Variants in ATG2B observed in about 807,000 individuals in gnomAD.
The protein encoded by ATG2B is autophagy related 2B.
ATG2B carries 121 observed loss-of-function variants against 241.3 expected under a neutral mutation model. The ratio of observed to expected loss-of-function variants is 0.50; its 90% CI spans 0.43 to 0.58. The LOEUF is 0.58. Among genes scored for constraint, ATG2B ranks in the 20% least tolerant of loss-of-function variants. ATG2B has a pLI of 0.00. For missense variants in ATG2B, 2,306 were observed against 2,491.6 expected (o/e 0.93, Z 1.59); for synonymous variants, 858 against 876.6 (o/e 0.98, Z 0.37).
At chr14:96,317,661 A>G (rs1887350780) in intron 19 of ATG2B, 37 bp downstream of exon 19, 2 of 1,483,070 alleles carry the variant, frequency 1.3e-6, no homozygotes, top group African/African-American at 1.4e-5. Flanking sequence ...TTGATAAACT[A>G]GGCATTTTAA....
At position 96,286,981 on chromosome 14, in the gene ATG2B, C is replaced by T. The variant is rs185573800; in HGVS notation, c.6007-996G>A. 2.9e-3 allele frequency among the ~76,000 whole-genome samples: 447 copies of T among 152,110 alleles called. 3 individuals are homozygous for T. The highest frequency in any genetic ancestry group is 9.7e-3 in the African/African-American group (402 of 41,494). ...TAAAAAAGATGTCCAGAAGGCCGGG[C>T]GCGGTGGCTCACACCTGTAATCTCA... On this transcript the variant is annotated intron_variant, in intron 41 of 41. Transcript: ENST00000359933.
At chr14:96,357,237 A>T (rs1428099131) in intron 1 of ATG2B, among the ~76,000 whole-genome samples, 1 of 151,462 alleles carries the variant, frequency 6.6e-6, no homozygotes, top group Non-Finnish European at 1.5e-5. Flanking sequence ...GTAACACTTC[A>T]CTCTCTCAAT....
chr14:96,283,861 G>C lies in ATG2B; in HGVS notation c.*1894C>G, dbSNP rs1886266992. 6.6e-6 allele frequency: 1 copy of C among 152,174 alleles called. No individual in the cohort carries two copies. The highest frequency in any genetic ancestry group is 1.5e-5 in the Non-Finnish European group (1 of 68,014). The allele number at this position is 152,174 out of a possible 1,614,324, so 9.4% of individuals were successfully genotyped here. A position where few individuals can be genotyped will look rare whatever the true frequency, so the allele number is the denominator to read the frequency against. The stretch of plus-strand genomic sequence containing the variant: ...CATCGACAACAGGTGCAGGAGGGTA[G>C]AACAAAGAAAGAACCGCGGAGATTA... On this transcript the variant is annotated 3_prime_UTR_variant, in exon 42 of 42. Transcript: ENST00000359933.
chr14:96,317,722 C>T lies in ATG2B; in HGVS notation c.3013G>A (p.Ala1005Thr). 2 of 1,610,296 alleles carry T rather than the reference C, an allele frequency of 1.2e-6. No individual in the cohort carries two copies. Among genetic ancestry groups the T allele is most frequent in the Non-Finnish European group, 1.7e-6 (2 of 1,177,856 alleles). The change falls in exon 19 of 42, where the codon GCA (alanine) becomes ACA (threonine). Residue 1005 changes from alanine to threonine, a missense_variant. Physicochemically the swap from Ala to Thr is moderately conservative, Grantham distance 58. Transcript: ENST00000359933. Reference protein sequence around the residue: ...INTFNKDSFSAFKSAVHYDEE... With the variant: ...INTFNKDSFSTFKSAVHYDEE... The stretch of plus-strand genomic sequence containing the variant: ...CCATAGTGAACTGCAGATTTAAATG[C>T]ACTAAAACTATCTTTGTTGAAAGTA...
chr14:96,302,445 C>T (rs943959417), intron 33 of ATG2B, among the ~76,000 whole-genome samples: 12 of 151,980 alleles, frequency 7.9e-5, no homozygotes, highest in African/African-American at 1.9e-4. Flanking sequence ...TAGCCAGGCA[C>T]GGTGGTGCAC....
At position 96,303,228 on chromosome 14, in the gene ATG2B, G is replaced by C. The variant is rs753460089; in HGVS notation, c.4870C>G (p.Pro1624Ala). 3 of 1,598,328 alleles carry C rather than the reference G, an allele frequency of 1.9e-6. No individual in the cohort carries two copies. The South Asian group carries it at 3.4e-5, about 18-fold the overall frequency. Residue 1624 changes from proline (P) to alanine (A), a missense_variant, in exon 33 of 42, where the codon CCA becomes GCA. This residue lies in a region of ATG2B where 1,927 missense variants were observed against 2,011.2 expected (regional missense o/e 0.96). Transcript: ENST00000359933. ...KVKFQHEVYP[P>A]CKPDCDSSLS... Reference sequence around the variant, plus strand: ...CTGGAATCACAATCAGGTTTGCATGGCGGGTAGACTTCATGCTGAAACTTC... The same window carrying C: ...CTGGAATCACAATCAGGTTTGCATGCCGGGTAGACTTCATGCTGAAACTTC...
intron 15 of ATG2B, among the ~76,000 whole-genome samples, chr14:96,324,757 C>T (rs1157643640): frequency 6.6e-6 from 1 of 152,122 alleles, no homozygotes; most frequent in Non-Finnish European, 1.5e-5. Flanking sequence ...ATGAGTTTCT[C>T]ACCACTGGAG....
chr14:96,316,753 T>C (rs538768130), intron 20 of ATG2B, 70 bp from the exon 21 acceptor site: 4 of 1,362,596 alleles, frequency 2.9e-6, no homozygotes, highest in African/African-American at 2.9e-5. Context: ...TTCCTTGAGA[T>C]GCTCTTTGTT....
At chr14:96,335,543 G>T (rs1326900379) in intron 6 of ATG2B, among the ~76,000 whole-genome samples, 3 of 152,080 alleles carry the variant, frequency 2.0e-5, no homozygotes, top group Non-Finnish European at 4.4e-5. Flanking sequence ...GTGAAGAAAT[G>T]AGTTCACAAA....
chr14:96,317,452 T>C, intron 19 of ATG2B, 135 bp from the exon 20 acceptor site: 1 of 820,310 alleles, frequency 1.2e-6, no homozygotes, highest in Non-Finnish European at 1.9e-6. Context: ...ACATACTGTT[T>C]TTCTCTTTAG....
chr14:96,302,030 G>A lies in ATG2B; in HGVS notation c.5116C>T (p.Pro1706Ser). 6.2e-7 allele frequency: 1 copy of A among 1,613,918 alleles called. No homozygotes were observed. The highest frequency in any genetic ancestry group is 1.3e-5 in the African/African-American group (1 of 75,020). Residue 1706 changes from proline (P) to serine (S), a missense_variant, in exon 34 of 42, where the codon CCG becomes TCG. Pro to Ser is a moderately conservative substitution (Grantham distance 74, BLOSUM62 -1). Coordinates refer to ENST00000359933, the MANE Select transcript of ATG2B (RefSeq NM_018036.7). ...QECCLRVSLM[P>S]LRLNIDQDAL... ...ACCTGGTCAATATTGAGGCGGAGCG[G>A]CATCAGCGACACTCTCAAGCAGCAC...
intron 41 of ATG2B, among the ~76,000 whole-genome samples, chr14:96,286,639 G>T (rs1210489737): frequency 5.3e-5 from 8 of 152,070 alleles, no homozygotes; most frequent in Non-Finnish European, 1.2e-4. Context: ...TGCTAGTAAT[G>T]ACTTCTGAGC....
chr14:96,302,985 T>A (rs1380165241), intron 33 of ATG2B, 76 bp downstream of exon 33: 1 of 1,140,242 alleles, frequency 8.8e-7, no homozygotes, highest in African/African-American at 1.6e-5. Flanking sequence ...TTCCCTACTT[T>A]AACTCTCCTG....
Position 96,328,752 on chromosome 14 carries a change from A to C in ATG2B, c.1896T>G (p.His632Gln). The C allele has an allele frequency of 6.2e-7, 1 of 1,610,232 alleles. No homozygotes were observed. Among genetic ancestry groups the C allele is most frequent in the Non-Finnish European group, 8.5e-7 (1 of 1,178,000 alleles). ...PPHYTELLTF[H>Q]SKEETGSHSP... ...AATGGGAACCAGTTTCTTCTTTGGA[A>C]TGGAACGTTAAAAGCTTAAAAGTAA... Residue 632 changes from histidine to glutamine, a missense_variant, in exon 13 of 42, where the codon CAT becomes CAG. His to Gln is a conservative substitution (Grantham distance 24, BLOSUM62 0). Coordinates refer to ENST00000359933, the MANE Select transcript of ATG2B (RefSeq NM_018036.7).
intron 17 of ATG2B, 28 bp from the exon 18 acceptor site, chr14:96,322,282 A>C (rs745860166): frequency 1.3e-6 from 2 of 1,571,186 alleles, no homozygotes; most frequent in Non-Finnish European, 8.6e-7. Flanking sequence ...AGTGCAAAAA[A>C]AAAGGCATCC....
chr14:96,288,806 A>AG (rs1566712130), intron 41 of ATG2B, among the ~76,000 whole-genome samples: 4 of 126,784 alleles, frequency 3.2e-5, no homozygotes, highest in African/African-American at 5.4e-5. Context: ...GACAACACCC[A>AG]GAAAAAAAAA....
At chr14:96,311,047 ATG>A in intron 28 of ATG2B, 68 bp downstream of exon 28, 1 of 1,359,926 alleles carries the variant, frequency 7.4e-7, no homozygotes, top group Non-Finnish European at 9.9e-7. Flanking sequence ...TATGACTGTC[ATG>A]AAGACCTCAA....
chr14:96,309,453 C>T lies in ATG2B; in HGVS notation c.4303G>A (p.Gly1435Ser). ...GTSSVKPQAN[G>S]VLDEKSQIQE... ...TCCCTGAGAAGAGTCCTGGTCTTAC[C>T]ATTAGCCTGTGGTTTTACTGACGAG... The change falls in exon 29 of 42, where the codon GGT (glycine) becomes AGT (serine). Residue 1435 changes from glycine to serine, a missense_variant and splice_region_variant. Physicochemically the swap from Gly to Ser is moderately conservative, Grantham distance 56. Transcript: ENST00000359933. The T allele has an allele frequency of 4.3e-6, 7 of 1,613,442 alleles. No homozygotes were observed. The highest frequency in any genetic ancestry group is 5.9e-6 in the Non-Finnish European group (7 of 1,179,692).
chr14:96,360,782 AG>A (rs1888602480), intron 1 of ATG2B, among the ~76,000 whole-genome samples: 1 of 151,944 alleles, frequency 6.6e-6, no homozygotes, highest in Non-Finnish European at 1.5e-5. Context: ...CCTTTTTTTC[AG>A]TCATGTAAGT....
Sources: allele counts gnomAD v4.1 joint callset (sites outside exome capture counted in the v4.1 genomes callset), GRCh38; gene constraint gnomAD v4.1.1; regional missense constraint gnomAD v4.1.1; transcripts MANE v1.5; gene names NCBI Gene and HGNC (gene_info 2026-07-23, HGNC 2026-07-21).